RAD50: variants seen among roughly 807,000 people sequenced by gnomAD.
RAD50 encodes DNA repair protein RAD50.
RAD50 carries 132 observed loss-of-function variants against 168.8 expected under a neutral mutation model. The observed-to-expected ratio is 0.78, with a 90% CI of 0.68 to 0.90. RAD50 has a LOEUF of 0.90. Ranked by LOEUF, RAD50 falls within the 40% of genes least tolerant of loss-of-function variation. The pLI, the probability that RAD50 is intolerant of heterozygous loss-of-function variation, is 0.00. For synonymous variants in RAD50, 525 were observed against 497.4 expected (o/e 1.06, Z -0.74); for missense variants, 1,347 against 1,534.4 (o/e 0.88, Z 2.04).
intron 19 of RAD50, among the ~76,000 whole-genome samples, chr5:132,612,017 A>G (rs917344030): frequency 6.6e-6 from 1 of 152,220 alleles, no homozygotes; most frequent in Non-Finnish European, 1.5e-5. Context: ...ACTTCTAGGT[A>G]TAGAACTAAG....
At chr5:132,570,305 A>G (rs1750280190) in intron 2 of RAD50, among the ~76,000 whole-genome samples, 1 of 152,238 alleles carries the variant, frequency 6.6e-6, no homozygotes, top group South Asian at 2.1e-4. Flanking sequence ...AGCCCCTTAT[A>G]CTAGAACCTT....
intron 24 of RAD50, among the ~76,000 whole-genome samples, chr5:132,641,282 G>C (rs1220090734): frequency 1.3e-5 from 2 of 152,194 alleles, no homozygotes; most frequent in Non-Finnish European, 2.9e-5. Context: ...AAAGTCCAGT[G>C]AGGGTAAAAT....
intron 21 of RAD50, 131 bp from the exon 22 acceptor site, chr5:132,636,984 A>G: frequency 1.3e-6 from 1 of 759,044 alleles, no homozygotes; most frequent in Non-Finnish European, 1.7e-6. Flanking sequence ...TTCTACTTTT[A>G]CCATTGAAAA....
chr5:132,642,943 G>A lies in RAD50; in HGVS notation c.*579G>A. 1 of 477,502 alleles carries A rather than the reference G, an allele frequency of 2.1e-6. No homozygotes were observed. The highest frequency in any genetic ancestry group is 4.4e-6 in the Non-Finnish European group (1 of 229,274). 29.6% of individuals were successfully genotyped at this position (477,502 alleles called of 1,614,324 possible). On this transcript the variant is annotated 3_prime_UTR_variant, in exon 25 of 25. Coordinates refer to ENST00000378823, the MANE Select transcript of RAD50 (RefSeq NM_005732.4). ...TGAATGGGGTCTCAAAGTTTGACAG[G>A]AACCTTAAGTAATCATCTAAGTCAG...
rs759890787 is a variant in RAD50 at position 132,592,673 on chromosome 5, A to G, written c.1793+639A>G. ...TTGAGCATCCCCAACAACTGTTGCC[A>G]TGACCTTTGCTCTTATCTGGTCTGC... On this transcript the variant is annotated intron_variant, in intron 11 of 24. Transcript: ENST00000378823. 30 of 313,652 alleles carry G rather than the reference A, an allele frequency of 9.6e-5. 1 individual carries two copies. In the Middle Eastern group the frequency reaches 2.8e-3, roughly 30 times the overall value. The allele number at this position is 313,652 out of a possible 1,614,324, so 19.4% of individuals were successfully genotyped here.
intron 2 of RAD50, 114 bp from the exon 3 acceptor site, chr5:132,575,663 G>A (rs1215375081): frequency 1.1e-6 from 1 of 948,308 alleles, no homozygotes; most frequent in Non-Finnish European, 1.7e-6. Flanking sequence ...ACTCATTTTG[G>A]ATGTTTTTCT....
chr5:132,623,345 A>G (rs773591016), intron 21 of RAD50, among the ~76,000 whole-genome samples: 59 of 152,228 alleles, frequency 3.9e-4, no homozygotes, highest in Admixed American at 1.4e-3. Flanking sequence ...AGCTGGCTGT[A>G]GTGGTGCACA....
chr5:132,558,194 C>T (rs1483525923), intron 1 of RAD50, among the ~76,000 whole-genome samples: 51 of 152,156 alleles, frequency 3.4e-4, no homozygotes, highest in Admixed American at 3.3e-3. Flanking sequence ...GAATGCCAAA[C>T]TTGTTTACTT....
rs763903557 is a variant in RAD50, at chr5:132,591,543, A to G, written c.1635+137A>G. On this transcript the variant is annotated intron_variant, in intron 10 of 24. Coordinates refer to ENST00000378823, the MANE Select transcript of RAD50 (RefSeq NM_005732.4). ...AGGCTAAGTGAGCTTAGTACTCTAT[A>G]TAATAGACTTTCAAGCTTAAAAGTT... The G allele has an allele frequency of 4.1e-5, 34 of 837,536 alleles. No homozygotes were observed. The South Asian group carries it at 5.0e-4, about 12-fold the overall frequency. 51.9% of individuals were successfully genotyped at this position (837,536 alleles called of 1,614,324 possible).
Position 132,581,169 on chromosome 5 carries a change from C to T in RAD50, c.756+1103C>T, listed in dbSNP as rs144265796. On this transcript the variant is annotated intron_variant, in intron 5 of 24. Coordinates refer to ENST00000378823, the MANE Select transcript of RAD50 (RefSeq NM_005732.4). ...AGGCTGGAGTGCAGTGGCACGATCTCGGCTCACTGCAACCTCTGCCTCCCG... is the reference window on the plus strand; with the variant it reads ...AGGCTGGAGTGCAGTGGCACGATCTTGGCTCACTGCAACCTCTGCCTCCCG... Among the ~76,000 whole-genome samples the T allele has an allele frequency of 3.6e-3, 551 of 152,096 alleles. 4 individuals carry two copies. Among genetic ancestry groups the T allele is most frequent in the African/African-American group, 0.011 (465 of 41,476 alleles).
At chr5:132,576,380 C>T (rs1750400457) in intron 3 of RAD50, among the ~76,000 whole-genome samples, 1 of 152,186 alleles carries the variant, frequency 6.6e-6, no homozygotes, top group Admixed American at 6.5e-5. Context: ...TTGTTCCTTT[C>T]AACCATTATC....
intron 1 of RAD50, among the ~76,000 whole-genome samples, chr5:132,557,871 C>A (rs1182777617): frequency 1.3e-5 from 2 of 152,178 alleles, no homozygotes; most frequent in Admixed American, 1.3e-4. Flanking sequence ...TAAAGAGTTT[C>A]CAAGTATGCC....
Position 132,579,932 on chromosome 5 carries a change from A to G in RAD50, c.622A>G (p.Met208Val), listed in dbSNP as rs1554097808. 6.2e-7 allele frequency: 1 copy of G among 1,612,270 alleles called. No homozygotes were observed. The highest frequency in any genetic ancestry group is 1.7e-5 in the Admixed American group (1 of 60,014). ...TQGQKVKEYQ[M>V]ELKYLKQYKE... ...AGGTCAGAAAGTAAAAGAATATCAAATGGAACTAAAATATCTGAAGCAATA... is the reference window on the plus strand; with the variant it reads ...AGGTCAGAAAGTAAAAGAATATCAAGTGGAACTAAAATATCTGAAGCAATA... Residue 208 changes from methionine to valine, a missense_variant, in exon 5 of 25, where the codon ATG becomes GTG. Met to Val is a conservative substitution (Grantham distance 21, BLOSUM62 1). Transcript: ENST00000378823.
intron 19 of RAD50, among the ~76,000 whole-genome samples, chr5:132,611,748 TCACATTGTGTCAATGCTAAAAGAAAAC>T (rs1751092191): frequency 1.3e-5 from 2 of 148,336 alleles, no homozygotes; most frequent in African/African-American, 2.5e-5. Context: ...TAGTCAAGAT[TCACATTGTGTCAATGCTAAAAGAAAAC>T]CAGTTTCCTA....
In RAD50 at chr5:132,633,394, C is replaced by T. The variant is rs187282947; in HGVS notation, c.3390-3721C>T. ...TGTTGGGATTACAGGTGTGAGCCAC[C>T]GCACCCAGCTGCCTCAGCTTTCTTT... On this transcript the variant is annotated intron_variant, in intron 21 of 24. Transcript: ENST00000378823. 1.3e-4 allele frequency among the ~76,000 whole-genome samples: 20 copies of T among 152,032 alleles called. No individual in the cohort carries two copies. In the East Asian group the frequency reaches 1.7e-3, roughly 13 times the overall value.
intron 7 of RAD50, 115 bp downstream of exon 7, chr5:132,588,204 T>C (rs967321752): frequency 8.4e-7 from 1 of 1,195,404 alleles, no homozygotes; most frequent in Admixed American, 2.2e-5. Context: ...TAAAAGGCTA[T>C]ACACAGTATG....
chr5:132,595,640 A>G lies in RAD50; in HGVS notation c.2037A>G (p.Ser679=), dbSNP rs766515606. 6.2e-7 allele frequency: 1 copy of G among 1,614,218 alleles called. No homozygotes were observed. Among genetic ancestry groups the G allele is most frequent in the Non-Finnish European group, 8.5e-7 (1 of 1,180,024 alleles). ...FITQLTDENQ[S]CCPVCQRVFQ... ...CTCAGCTAACAGACGAAAACCAGTC[A>G]TGTTGCCCCGTTTGTCAGAGAGTTT... The change falls in exon 13 of 25, where the codon TCA becomes TCG. Residue 679 remains serine, a synonymous_variant. Coordinates refer to ENST00000378823, the MANE Select transcript of RAD50 (RefSeq NM_005732.4).
At chr5:132,598,205 G>C (rs193063378) in intron 13 of RAD50, among the ~76,000 whole-genome samples, 22 of 152,104 alleles carry the variant, frequency 1.4e-4, no homozygotes, top group Middle Eastern at 6.8e-3. Flanking sequence ...ACGTCACCAG[G>C]CTCGGCTAAT....
Position 132,588,057 on chromosome 5 carries a change from A to G in RAD50, c.1019A>G (p.Asn340Ser), listed in dbSNP as rs776934742. Residue 340 changes from asparagine (N) to serine (S), a missense_variant, in exon 7 of 25, where the codon AAT becomes AGT. Coordinates refer to ENST00000378823, the MANE Select transcript of RAD50 (RefSeq NM_005732.4). The part of the protein sequence containing the change: ...EKLNKESRLL[N>S]QEKSELLVEQ... ...CTAAATAAAGAATCTAGGCTTCTCAATCAGGAAAAATCAGAACTGCTTGTT... is the reference window on the plus strand; with the variant it reads ...CTAAATAAAGAATCTAGGCTTCTCAGTCAGGAAAAATCAGAACTGCTTGTT... 8 of 1,612,692 alleles carry G rather than the reference A, an allele frequency of 5.0e-6. No individual in the cohort carries two copies. In the Admixed American group the frequency reaches 5.0e-5, roughly 10 times the overall value.
Sources: allele counts gnomAD v4.1 joint callset (sites outside exome capture counted in the v4.1 genomes callset), GRCh38; gene constraint gnomAD v4.1.1; transcripts MANE v1.5; gene names NCBI Gene and HGNC (gene_info 2026-07-23, HGNC 2026-07-21).